CCDC7: variants seen among roughly 807,000 people sequenced by gnomAD.
CCDC7 encodes coiled-coil domain containing 7, also known as coiled-coil domain-containing protein 7.
Under a neutral mutation model 196.9 loss-of-function variants are expected in CCDC7, and 183 were observed. That is an observed-to-expected ratio of 0.93 (90% CI 0.82 to 1.05). The LOEUF is 1.05. Among genes scored for constraint, CCDC7 ranks in the 50% least tolerant of loss-of-function variants. CCDC7 has a pLI of 0.00. For missense variants in CCDC7, 1,540 were observed against 1,482.2 expected (o/e 1.04, Z -0.64); for synonymous variants, 525 against 484.6 (o/e 1.08, Z -1.10).
chr10:32,867,763 A>G (rs1387775658), intron 41 of CCDC7, among the ~76,000 whole-genome samples: 1 of 151,762 alleles, frequency 6.6e-6, no homozygotes, highest in Non-Finnish European at 1.5e-5. Context: ...ATTTTAGTAA[A>G]CATACATTAC....
intron 28 of CCDC7, among the ~76,000 whole-genome samples, chr10:32,748,104 T>TG (rs2075093966): frequency 6.6e-6 from 1 of 152,144 alleles, no homozygotes; most frequent in African/African-American, 2.4e-5. Flanking sequence ...AGCAAATTAA[T>TG]GCAGGAACAG....
intron 18 of CCDC7, among the ~76,000 whole-genome samples, chr10:32,607,797 G>T (rs1016636157): frequency 2.0e-5 from 3 of 151,882 alleles, no homozygotes; most frequent in Non-Finnish European, 4.4e-5. Flanking sequence ...CTTTTTTGTT[G>T]TATCTTTGGA....
At chr10:32,816,765 A>G (rs2135465460) in intron 31 of CCDC7, among the ~76,000 whole-genome samples, 1 of 152,328 alleles carries the variant, frequency 6.6e-6, no homozygotes, top group African/African-American at 2.4e-5. Flanking sequence ...ACAGACCTGC[A>G]GCTGAGGGTC....
rs2083514646 is a variant in CCDC7, at chr10:32,728,994, A to T, written c.2776A>T (p.Lys926Ter). The T allele has an allele frequency of 6.4e-7, 1 of 1,555,382 alleles. No homozygotes were observed. Among genetic ancestry groups the T allele is most frequent in the Non-Finnish European group, 8.9e-7 (1 of 1,129,684 alleles). ...AATAAATTCTGGAGTGGAAAGACAC[A>T]AGAGTGAGTATAATAATTATCGATA... Residue 926 changes from lysine to a stop codon, truncating the protein, a stop_gained, in exon 27 of 42, where the codon AAG (lysine) becomes TAG (stop). Coordinates refer to ENST00000639629, the Ensembl canonical transcript of CCDC7. LOFTEE classifies it high-confidence loss of function.
chr10:32,814,970 CA>C (rs1204268932), intron 31 of CCDC7, among the ~76,000 whole-genome samples: 1 of 151,984 alleles, frequency 6.6e-6, no homozygotes, highest in African/African-American at 2.4e-5. Context: ...GAGATGCCCT[CA>C]AAAAGCAACA....
At chr10:32,546,828 A>G (rs1407435903) in intron 13 of CCDC7, among the ~76,000 whole-genome samples, 1 of 152,124 alleles carries the variant, frequency 6.6e-6, no homozygotes, top group Non-Finnish European at 1.5e-5. Context: ...GCTCCATTCC[A>G]TTATATGTCT....
At chr10:32,819,789 T>A (rs1438958989) in intron 31 of CCDC7, among the ~76,000 whole-genome samples, 1 of 152,154 alleles carries the variant, frequency 6.6e-6, no homozygotes, top group Admixed American at 6.5e-5. Context: ...AAACTCTCAA[T>A]AAATTAGTTA....
intron 41 of CCDC7, among the ~76,000 whole-genome samples, chr10:32,864,462 T>C (rs2094132659): frequency 6.6e-6 from 1 of 151,646 alleles, no homozygotes; most frequent in Non-Finnish European, 1.5e-5. Flanking sequence ...ATTTACTATA[T>C]TAAAATATCA....
chr10:32,749,775 A>G (rs1469497353), intron 28 of CCDC7, among the ~76,000 whole-genome samples: 1 of 152,192 alleles, frequency 6.6e-6, no homozygotes, highest in African/African-American at 2.4e-5. Flanking sequence ...TACTTTTTAA[A>G]CAGTGTTTAC....
At chr10:32,696,963 T>C (rs2077815325) in intron 24 of CCDC7, among the ~76,000 whole-genome samples, 1 of 152,172 alleles carries the variant, frequency 6.6e-6, no homozygotes, top group African/African-American at 2.4e-5. Flanking sequence ...ATTAACATTT[T>C]TTGCATGGAC....
At chr10:32,671,395 G>T (rs997151975) in intron 21 of CCDC7, among the ~76,000 whole-genome samples, 1 of 152,098 alleles carries the variant, frequency 6.6e-6, no homozygotes, top group Non-Finnish European at 1.5e-5. Context: ...AGGAGCAGTA[G>T]ACTATATCAT....
chr10:32,726,636 A>G, intron 25 of CCDC7, 98 bp from the exon 27 acceptor site: 3 of 632,204 alleles, frequency 4.7e-6, no homozygotes, highest in Admixed American at 3.3e-5. Flanking sequence ...AAATATTGCT[A>G]TATACTTGTT....
At position 32,477,793 on chromosome 10, in the gene CCDC7, TG is replaced by T. The variant is rs1233702631; in HGVS notation, c.796+3771del. Reference sequence around the variant, plus strand: ...GGTAGTGTCAGTCCTCCAACTTTGTTGTTCTTCAACATTGTGTTGACTTCTC... The same window carrying T: ...GGTAGTGTCAGTCCTCCAACTTTGTTTTCTTCAACATTGTGTTGACTTCTC... On this transcript the variant is annotated intron_variant, in intron 8 of 41. Coordinates refer to ENST00000639629, the Ensembl canonical transcript of CCDC7. Among the ~76,000 whole-genome samples, 4 of 152,218 alleles carry T rather than the reference TG, an allele frequency of 2.6e-5. No homozygotes were observed. In the East Asian group the frequency reaches 7.7e-4, roughly 29 times the overall value.
At chr10:32,469,837 G>T (rs1564370858) in intron 5 of CCDC7, among the ~76,000 whole-genome samples, 1 of 152,092 alleles carries the variant, frequency 6.6e-6, no homozygotes, top group African/African-American at 2.4e-5. Context: ...TCCTCTTCTA[G>T]TGCCTCTTCA....
chr10:32,585,578 T>C (rs951148475), intron 18 of CCDC7, among the ~76,000 whole-genome samples: 7 of 152,050 alleles, frequency 4.6e-5, no homozygotes, highest in Non-Finnish European at 7.4e-5. Flanking sequence ...CCTGTGTCCA[T>C]GTGTTCTCAT....
intron 16 of CCDC7, among the ~76,000 whole-genome samples, chr10:32,581,831 T>G (rs532160840): frequency 3.9e-5 from 6 of 152,088 alleles, no homozygotes; most frequent in Non-Finnish European, 8.8e-5. Context: ...TGCTTTCTAT[T>G]TTTAGCTATG....
At chr10:32,577,886 T>G (rs989162552) in intron 16 of CCDC7, among the ~76,000 whole-genome samples, 15 of 152,186 alleles carry the variant, frequency 9.9e-5, no homozygotes, top group Non-Finnish European at 1.5e-4. Context: ...GTGAGAAAAG[T>G]CTGCCCCATT....
intron 22 of CCDC7, 40 bp from the exon 24 acceptor site, chr10:32,689,013 T>C: frequency 1.6e-6 from 2 of 1,251,270 alleles, no homozygotes; most frequent in East Asian, 2.3e-5. Context: ...CAAATGGATT[T>C]ATTTGTAATT....
At chr10:32,772,993 C>G (rs905141379) in intron 28 of CCDC7, among the ~76,000 whole-genome samples, 1 of 152,180 alleles carries the variant, frequency 6.6e-6, no homozygotes, top group African/African-American at 2.4e-5. Context: ...CAGTGTCAAT[C>G]TCATTATCCC....
Sources: allele counts gnomAD v4.1 joint callset (sites outside exome capture counted in the v4.1 genomes callset), GRCh38; gene constraint gnomAD v4.1.1; transcripts MANE v1.5; gene names NCBI Gene and HGNC (gene_info 2026-07-23, HGNC 2026-07-21).